Variants in PPP3CC observed in about 807,000 individuals in gnomAD.
PPP3CC encodes the protein serine/threonine-protein phosphatase 2B catalytic subunit gamma isoform.
PPP3CC carries 35 observed loss-of-function variants against 60.3 expected under a neutral mutation model. The observed-to-expected ratio is 0.58, with a 90% confidence interval of 0.44 to 0.77. PPP3CC has a LOEUF of 0.77. Among genes scored for constraint, PPP3CC ranks in the 30% least tolerant of loss-of-function variants. The pLI, the probability that PPP3CC is intolerant of heterozygous loss-of-function variation, is 0.00. For missense variants in PPP3CC, 570 were observed against 628.9 expected (o/e 0.91, Z 1.00); for synonymous variants, 206 against 224.3 (o/e 0.92, Z 0.73).
intron 1 of PPP3CC, among the ~76,000 whole-genome samples, chr8:22,473,945 A>G (rs1837809443): frequency 1.3e-5 from 2 of 151,686 alleles, no homozygotes; most frequent in South Asian, 4.2e-4. Context: ...CCCAGGCTGG[A>G]GTTCAGTGGC....
At chr8:22,504,400 T>C (rs1353768373) in intron 4 of PPP3CC, among the ~76,000 whole-genome samples, 1 of 152,122 alleles carries the variant, frequency 6.6e-6, no homozygotes, top group East Asian at 1.9e-4. Flanking sequence ...CTCCTGGGCT[T>C]AAGTGATTCT....
At chr8:22,494,925 C>G (rs1033760732) in intron 3 of PPP3CC, among the ~76,000 whole-genome samples, 2 of 152,120 alleles carry the variant, frequency 1.3e-5, no homozygotes, top group African/African-American at 4.8e-5. Context: ...GGGTGGCATA[C>G]TACAGCTACT....
At chr8:22,504,810 G>C (rs1421537311) in intron 4 of PPP3CC, among the ~76,000 whole-genome samples, 1 of 149,170 alleles carries the variant, frequency 6.7e-6, no homozygotes, top group Non-Finnish European at 1.5e-5. Context: ...AACCTCCCAG[G>C]CTCAAGTGGT....
Position 22,497,514 on chromosome 8 carries a change from A to G in PPP3CC, c.373-487A>G, listed in dbSNP as rs541298719. On this transcript the variant is annotated intron_variant, in intron 3 of 13. Transcript: ENST00000240139. ...TCCTGCTAGTTTACTGAATTATTTT[A>G]TTATTTGAGTTAGTTTTATCATTGA... 4.4e-4 allele frequency among the ~76,000 whole-genome samples: 67 copies of G among 152,098 alleles called. 1 individual carries two copies. Among genetic ancestry groups the G allele is most frequent in the African/African-American group, 1.5e-3 (64 of 41,514 alleles).
At chr8:22,442,492 AAT>A (rs1836701527) in intron 1 of PPP3CC, among the ~76,000 whole-genome samples, 2 of 152,198 alleles carry the variant, frequency 1.3e-5, no homozygotes, top group Non-Finnish European at 2.9e-5. Flanking sequence ...GAGGGGGAAG[AAT>A]TTTAGTGTAT....
At chr8:22,506,847 C>CT (rs1838937162) in intron 4 of PPP3CC, among the ~76,000 whole-genome samples, 1 of 152,010 alleles carries the variant, frequency 6.6e-6, no homozygotes, top group Admixed American at 6.6e-5. Flanking sequence ...GAGGCTGAGG[C>CT]TGGAGGATGG....
At chr8:22,532,429 T>G in intron 11 of PPP3CC, 123 bp downstream of exon 11, 1 of 769,268 alleles carries the variant, frequency 1.3e-6, no homozygotes, top group East Asian at 2.6e-5. Flanking sequence ...TTAGGTTGAG[T>G]GCAAATTCAA....
intron 1 of PPP3CC, 57 bp downstream of exon 1, chr8:22,441,515 C>G: frequency 6.8e-7 from 1 of 1,480,662 alleles, no homozygotes; most frequent in South Asian, 1.3e-5. Context: ...TTCGGCTGGG[C>G]GGCGGCTCGG....
chr8:22,483,533 G>A (rs1330121348), intron 3 of PPP3CC, among the ~76,000 whole-genome samples: 1 of 152,152 alleles, frequency 6.6e-6, no homozygotes, highest in African/African-American at 2.4e-5. Flanking sequence ...TGATCTGCCT[G>A]CCTGGGCCTC....
intron 12 of PPP3CC, 47 bp downstream of exon 12, chr8:22,533,065 A>C: frequency 6.5e-6 from 9 of 1,384,668 alleles, no homozygotes; most frequent in Non-Finnish European, 8.9e-6. Flanking sequence ...CCCGTTACCT[A>C]ACAGTCAGCA....
At chr8:22,512,401 T>C (rs1839112755) in intron 5 of PPP3CC, among the ~76,000 whole-genome samples, 1 of 152,230 alleles carries the variant, frequency 6.6e-6, no homozygotes, top group South Asian at 2.1e-4. Flanking sequence ...GCTATTCTAT[T>C]ACTTGTTTTC....
chr8:22,447,794 T>A (rs1836876766), intron 1 of PPP3CC, among the ~76,000 whole-genome samples: 1 of 152,206 alleles, frequency 6.6e-6, no homozygotes, highest in Admixed American at 6.5e-5. Context: ...TGTTGGCACT[T>A]TAGATTATCC....
intron 6 of PPP3CC, among the ~76,000 whole-genome samples, chr8:22,517,332 T>C (rs1839274658): frequency 6.6e-6 from 1 of 152,260 alleles, no homozygotes. Flanking sequence ...TACTTTTCTT[T>C]CTTCTGGTGT....
intron 3 of PPP3CC, 93 bp downstream of exon 3, chr8:22,475,717 C>G: frequency 2.5e-6 from 3 of 1,220,614 alleles, no homozygotes; most frequent in Non-Finnish European, 3.3e-6. Context: ...AATGAGAACT[C>G]TGGCAGAATT....
intron 1 of PPP3CC, among the ~76,000 whole-genome samples, chr8:22,464,505 G>A (rs1203727433): frequency 6.6e-6 from 1 of 151,920 alleles, no homozygotes; most frequent in Non-Finnish European, 1.5e-5. Flanking sequence ...TCAGCCTCCT[G>A]AGCAGCTGGG....
At chr8:22,499,893 T>C (rs1482199968) in intron 4 of PPP3CC, among the ~76,000 whole-genome samples, 1 of 152,238 alleles carries the variant, frequency 6.6e-6, no homozygotes, top group Non-Finnish European at 1.5e-5. Context: ...GATTTATGTG[T>C]ATTTATTTGT....
rs768028117 is a variant in PPP3CC, at chr8:22,540,748, A to C, written c.1485A>C (p.Ser495=). ...HAGGPMKSVT[S]AHSHAAHRSD... ...GTGGGCCAATGAAATCTGTAACCTC[A>C]GCACACTCACATGCTGCGCACAGGA... is the stretch of plus-strand genomic sequence containing the variant. Residue 495 remains serine, a synonymous_variant, in exon 14 of 14, where the codon TCA becomes TCC. Coordinates refer to ENST00000240139, the MANE Select transcript of PPP3CC (RefSeq NM_005605.5). 1 of 1,614,098 alleles carries C rather than the reference A, an allele frequency of 6.2e-7. No individual in the cohort carries two copies. The highest frequency in any genetic ancestry group is 2.2e-5 in the East Asian group (1 of 44,888).
intron 6 of PPP3CC, among the ~76,000 whole-genome samples, chr8:22,517,158 T>C (rs1479271421): frequency 6.6e-6 from 1 of 152,206 alleles, no homozygotes; most frequent in Non-Finnish European, 1.5e-5. Flanking sequence ...CCAGCACACA[T>C]GTTCCCAGCT....
intron 1 of PPP3CC, among the ~76,000 whole-genome samples, chr8:22,470,449 A>C (rs1304319867): frequency 1.3e-5 from 2 of 152,200 alleles, no homozygotes; most frequent in Non-Finnish European, 2.9e-5. Flanking sequence ...ATTATGTCAT[A>C]ATGATAAACC....
Sources: allele counts gnomAD v4.1 joint callset (sites outside exome capture counted in the v4.1 genomes callset), GRCh38; gene constraint gnomAD v4.1.1; transcripts MANE v1.5; gene names NCBI Gene and HGNC (gene_info 2026-07-23, HGNC 2026-07-21).